The following PRH1 variants were observed in gnomAD, a reference collection of about 807,000 sequenced individuals.
PRH1 encodes the protein proline rich protein HaeIII subfamily 1, also known as salivary acidic proline-rich phosphoprotein 1/2.
In PRH1, 7 loss-of-function variants were observed where a neutral mutation model predicts 7.9. The observed-to-expected ratio is 0.89, with a 90% confidence interval of 0.50 to 1.67. The LOEUF is 1.67. Among genes scored for constraint, PRH1 ranks in the 40% most tolerant of loss-of-function variants. The pLI is 0.00. For synonymous variants in PRH1, 45 were observed against 80.8 expected (o/e 0.56, Z 2.38); for missense variants, 109 against 223.6 (o/e 0.49, Z 3.27).
chr12:10,895,157 A>G (rs1299467159), intron 2 of PRH1: 2 of 152,218 alleles, frequency 1.3e-5, no homozygotes, highest in Admixed American at 1.3e-4. Flanking sequence ...ATAATGCACA[A>G]TAAAGAGGAG....
intron 2 of PRH1, chr12:10,930,200 C>A: frequency 6.4e-7 from 1 of 1,551,004 alleles, no homozygotes; most frequent in Non-Finnish European, 8.9e-7. Context: ...CCTTTATCCT[C>A]GTAGAACACT....
At chr12:11,055,362 A>C (rs78724972) in intron 1 of PRH1, among the ~76,000 whole-genome samples, 8,540 of 90,604 alleles carry the variant, frequency 0.094, no homozygotes, top group Non-Finnish European at 0.13. Flanking sequence ...CCATGTCTGA[A>C]TTTTTTTAAG....
Position 10,992,262 on chromosome 12 carries a change from A to G in PRH1, c.-125-18541T>C, listed in dbSNP as rs1939969149. Reference sequence around the variant, plus strand: ...TGTAGCCATTTCACCTGTAGCCATAACAGTACCCAGAGGAAAGGACATATA... The same window carrying G: ...TGTAGCCATTTCACCTGTAGCCATAGCAGTACCCAGAGGAAAGGACATATA... On this transcript the variant is annotated intron_variant, in intron 1 of 3. Transcript: ENST00000539853. Among the ~76,000 whole-genome samples the G allele has an allele frequency of 2.0e-5, 3 of 152,164 alleles. No homozygotes were observed. In the South Asian group the frequency reaches 6.2e-4, roughly 31 times the overall value.
chr12:10,892,525 C>G (rs759329499), intron 2 of PRH1, among the ~76,000 whole-genome samples: 33 of 147,352 alleles, frequency 2.2e-4, no homozygotes, highest in Non-Finnish European at 3.8e-4. Flanking sequence ...AGTGAATAAT[C>G]TTATTTCATA....
At chr12:10,939,788 A>C (rs1030704522) in intron 2 of PRH1, among the ~76,000 whole-genome samples, 1 of 152,116 alleles carries the variant, frequency 6.6e-6, no homozygotes, top group Non-Finnish European at 1.5e-5. Flanking sequence ...AGCATTGTGA[A>C]TATGGTTAAT....
rs1565618772 is a variant in PRH1 at position 11,069,702 on chromosome 12, C to T, written n.124-22514G>A. 2.0e-5 allele frequency among the ~76,000 whole-genome samples: 3 copies of T among 152,200 alleles called. No homozygotes were observed. The South Asian group carries it at 6.2e-4, about 31-fold the overall frequency. On this transcript the variant is annotated intron_variant and non_coding_transcript_variant, in intron 1 of 4. Transcript: ENST00000541977. ...GTTCATAAGCCAATAGTTGAAGAGG[C>T]TTCACACTTTGATAAATACTTATAA... is the stretch of plus-strand genomic sequence containing the variant.
chr12:11,039,731 C>T (rs1319898952), intron 1 of PRH1, among the ~76,000 whole-genome samples: 1 of 152,202 alleles, frequency 6.6e-6, no homozygotes, highest in African/African-American at 2.4e-5. Flanking sequence ...TCTTGGGAAC[C>T]TCAGAAAGGC....
intron 2 of PRH1, among the ~76,000 whole-genome samples, chr12:10,926,188 T>C (rs773498741): frequency 5.3e-5 from 8 of 152,248 alleles, no homozygotes; most frequent in Non-Finnish European, 1.0e-4. Context: ...ATTGTGTTTA[T>C]TTGCTAACTG....
chr12:10,993,234 A>T (rs1940029673), intron 1 of PRH1, among the ~76,000 whole-genome samples: 1 of 152,200 alleles, frequency 6.6e-6, no homozygotes, highest in African/African-American at 2.4e-5. Context: ...ATCGATTGGG[A>T]GAGAAAATCA....
At chr12:11,168,927 T>C (rs112689495) in intron 1 of PRH1, among the ~76,000 whole-genome samples, 74 of 152,312 alleles carry the variant, frequency 4.9e-4, no homozygotes, top group African/African-American at 1.7e-3. Context: ...CCAAAAATTA[T>C]CAGGCAGATA....
chr12:11,046,549 C>T (rs572934197), intron 1 of PRH1, among the ~76,000 whole-genome samples: 57 of 152,228 alleles, frequency 3.7e-4, no homozygotes, highest in Admixed American at 5.9e-4. Context: ...GCCTGGTGCA[C>T]ACTAGGGCCA....
intron 1 of PRH1, chr12:11,022,310 A>G: frequency 1.2e-6 from 2 of 1,614,206 alleles, no homozygotes; most frequent in Non-Finnish European, 8.5e-7. Flanking sequence ...GTTACAGCCC[A>G]GGCATTAGAA....
At chr12:11,056,547 T>C (rs1033165541) in intron 1 of PRH1, among the ~76,000 whole-genome samples, 4 of 152,104 alleles carry the variant, frequency 2.6e-5, no homozygotes, top group Non-Finnish European at 2.9e-5. Context: ...AAGCAGATGA[T>C]TGGCCAGGCC....
intron 1 of PRH1, among the ~76,000 whole-genome samples, chr12:11,030,096 T>C (rs933303847): frequency 3.9e-5 from 6 of 152,254 alleles, no homozygotes; most frequent in African/African-American, 1.4e-4. Flanking sequence ...ATAAAATACA[T>C]GAATGAAATA....
intron 1 of PRH1, among the ~76,000 whole-genome samples, chr12:10,998,898 C>T (rs748965794): frequency 9.9e-5 from 15 of 152,116 alleles, no homozygotes; most frequent in Non-Finnish European, 2.1e-4. Flanking sequence ...AGATGACCTC[C>T]ACATTAGGCT....
chr12:11,130,257 A>G (rs1322716348), intron 1 of PRH1, among the ~76,000 whole-genome samples: 1 of 152,238 alleles, frequency 6.6e-6, no homozygotes, highest in Non-Finnish European at 1.5e-5. Context: ...AAATACCAGA[A>G]GAAAATAGAT....
intron 2 of PRH1, chr12:10,929,270 C>A: frequency 6.2e-7 from 1 of 1,614,182 alleles, no homozygotes; most frequent in Non-Finnish European, 8.5e-7. Context: ...GAGCCTTCTG[C>A]AAGATGCTTC....
In PRH1 at chr12:10,939,545, TTG is replaced by T. The variant is rs1214399536; in HGVS notation, c.-59+34108_-59+34109del. Among the ~76,000 whole-genome samples, 21 of 140,442 alleles carry T rather than the reference TTG, an allele frequency of 1.5e-4. 1 individual carries two copies. In the South Asian group the frequency reaches 3.0e-3, roughly 20 times the overall value. The allele number at this position is 140,442 out of a possible 152,430, so 92.1% of individuals were successfully genotyped here. A position where few individuals can be genotyped will look rare whatever the true frequency, so the allele number is the denominator to read the frequency against. Reference sequence around the variant, plus strand: ...TAAGGACATATTTATTTTCATTGGTTTGTGTGTTTTTTTTTTTTTTTTTTGTC... The same window carrying T: ...TAAGGACATATTTATTTTCATTGGTTTGTGTTTTTTTTTTTTTTTTTTGTC... On this transcript the variant is annotated intron_variant, in intron 2 of 3. Transcript: ENST00000539853.
At chr12:11,135,529 A>G (rs1270203739) in intron 1 of PRH1, among the ~76,000 whole-genome samples, 1 of 49,674 alleles carries the variant, frequency 2.0e-5, no homozygotes, top group Admixed American at 2.0e-4. Context: ...GAAAAACAAA[A>G]TCCAAAGCCA....
Sources: gnomAD v4.1 joint callset for allele counts (sites outside exome capture counted in the v4.1 genomes callset) on GRCh38, gnomAD v4.1.1 for gene constraint, MANE v1.5 for transcripts, NCBI Gene and HGNC (gene_info 2026-07-23, HGNC 2026-07-21) for gene names.